The following ZNF831 variants were observed in gnomAD, a reference collection of about 807,000 sequenced individuals.
ZNF831 encodes chromosome 20 open reading frame 174.
In ZNF831, 59 loss-of-function variants were observed where a neutral mutation model predicts 95.8. That is an observed-to-expected ratio of 0.62 (90% CI 0.50 to 0.77). ZNF831 has a LOEUF of 0.77. Among genes scored for constraint, ZNF831 ranks in the 30% least tolerant of loss-of-function variants. The pLI is 0.00. For synonymous variants in ZNF831, 961 were observed against 925.5 expected, an observed-to-expected ratio of 1.04 and a Z score of -0.70; for missense variants, 2,205 against 2,164.0, an observed-to-expected ratio of 1.02 and a Z score of -0.38.
intron 1 of ZNF831, among the ~76,000 whole-genome samples, chr20:59,186,664 C>T (rs1373403866): frequency 6.6e-6 from 1 of 152,208 alleles, no homozygotes; most frequent in Non-Finnish European, 1.5e-5. Context: ...GTTGCAGCGT[C>T]TTGAGGTAAG....
chr20:59,148,628 C>T lies in ZNF831; in HGVS notation c.-1281+2254C>T, dbSNP rs1363199902. 9.6e-5 allele frequency among the ~76,000 whole-genome samples: 9 copies of T among 93,896 alleles called. 1 individual carries two copies. The highest frequency in any genetic ancestry group is 1.8e-4 in the Non-Finnish European group (9 of 49,000). The allele number at this position is 93,896 out of a possible 152,430, so 61.6% of individuals were successfully genotyped here. A position where few individuals can be genotyped will look rare whatever the true frequency, so the allele number is the denominator to read the frequency against. ...CCGGGAGGTGGAGCTTGCAGTGAGT[C>T]GAGATCGCGCCACTGCACTCCAGCC... On this transcript the variant is annotated intron_variant, in intron 2 of 7. Transcript: ENST00000637017.
chr20:59,246,235 G>C (rs1987602497), intron 4 of ZNF831, among the ~76,000 whole-genome samples: 1 of 152,006 alleles, frequency 6.6e-6, no homozygotes, highest in Non-Finnish European at 1.5e-5. Flanking sequence ...CTCCTTCTCT[G>C]ACAGGACTTC....
At chr20:59,219,664 A>C (rs1985951073) in intron 4 of ZNF831, among the ~76,000 whole-genome samples, 1 of 152,174 alleles carries the variant, frequency 6.6e-6, no homozygotes, top group Admixed American at 6.5e-5. Context: ...GGGAGAACCG[A>C]AGGCCGTCAC....
rs1313746189 is a variant in ZNF831 at position 59,149,108 on chromosome 20, G to A, written c.-1281+2734G>A. Among the ~76,000 whole-genome samples the A allele has an allele frequency of 2.0e-5, 3 of 152,190 alleles. No homozygotes were observed. In the East Asian group the frequency reaches 5.8e-4, roughly 29 times the overall value. ...GATGAATAGGATGGGTGCCCATCTT[G>A]ATGGGTCAGACAAGGTAAGGGCTCT... On this transcript the variant is annotated intron_variant, in intron 2 of 7. Transcript: ENST00000637017.
At chr20:59,245,976 A>C (rs191137728) in intron 4 of ZNF831, among the ~76,000 whole-genome samples, 70 of 152,348 alleles carry the variant, frequency 4.6e-4, no homozygotes, top group Admixed American at 1.0e-3. Context: ...TAAATACTGT[A>C]TGAAGAGGGT....
At chr20:59,155,036 G>A (rs773382012) in intron 2 of ZNF831, among the ~76,000 whole-genome samples, 10 of 152,328 alleles carry the variant, frequency 6.6e-5, no homozygotes, top group East Asian at 1.9e-4. Flanking sequence ...TCTTACAGCC[G>A]TGAATGAAAC....
At chr20:59,194,838 T>C (rs1983969304) in intron 2 of ZNF831, 81 bp downstream of exon 2, 1 of 1,448,370 alleles carries the variant, frequency 6.9e-7, no homozygotes, top group African/African-American at 1.4e-5. Context: ...GGGAAGGAAG[T>C]CTGAAGCCGT....
chr20:59,228,361 G>A (rs1167881051), intron 4 of ZNF831, among the ~76,000 whole-genome samples: 1 of 151,896 alleles, frequency 6.6e-6, no homozygotes, highest in African/African-American at 2.4e-5. Flanking sequence ...GGTCTAGGAT[G>A]GCCTCACTCA....
chr20:59,254,482 T>C lies in ZNF831; in HGVS notation c.4773T>C (p.Pro1591=), dbSNP rs1310276236. 6.2e-7 allele frequency: 1 copy of C among 1,614,178 alleles called. No homozygotes were observed. Among genetic ancestry groups the C allele is most frequent in the Admixed American group, 1.7e-5 (1 of 60,020 alleles). ...HKEGRHKTFF[P]SRGQYGCGEM... is the part of the protein sequence containing the mutation. ...AAGGGAGACACAAGACGTTTTTTCC[T>C]TCCAGAGGCCAGTATGGGTGTGGGG... Residue 1591 remains proline (P), a synonymous_variant, in exon 6 of 6, where the codon CCT becomes CCC. Coordinates refer to ENST00000371030, the MANE Select transcript of ZNF831 (RefSeq NM_178457.3). This position sits in a 1 kb window ranked among gnomAD's most constrained non-coding sequence, Gnocchi z 4.5.
In ZNF831 at chr20:59,185,145, C is replaced by A. The variant is rs964585750; in HGVS notation, c.-36-5839C>A. Among the ~76,000 whole-genome samples the A allele has an allele frequency of 3.3e-5, 5 of 152,124 alleles. No individual in the cohort carries two copies. In the East Asian group the frequency reaches 9.7e-4, roughly 29 times the overall value. ...CCCGGCCCCCAGCTTCCCCATCAGTCCAATGGGGACAATAGGACTTGCCAT... is the reference window on the plus strand; with the variant it reads ...CCCGGCCCCCAGCTTCCCCATCAGTACAATGGGGACAATAGGACTTGCCAT... On this transcript the variant is annotated intron_variant, in intron 1 of 5. Coordinates refer to ENST00000371030, the MANE Select transcript of ZNF831 (RefSeq NM_178457.3).
chr20:59,244,282 AT>A (rs1362675613), intron 4 of ZNF831, among the ~76,000 whole-genome samples: 1 of 152,094 alleles, frequency 6.6e-6, no homozygotes, highest in Non-Finnish European at 1.5e-5. Flanking sequence ...GAAAAAATAT[AT>A]TTTTCTCTTC....
At chr20:59,252,953 T>C in intron 4 of ZNF831, 25 bp from the exon 5 acceptor site, 1 of 1,608,876 alleles carries the variant, frequency 6.2e-7, no homozygotes, top group African/African-American at 1.3e-5. Context: ...TCCAGTCATA[T>C]GTAAATGTGC....
intron 2 of ZNF831, among the ~76,000 whole-genome samples, chr20:59,151,940 G>A (rs997228348): frequency 2.0e-5 from 3 of 152,180 alleles, no homozygotes; most frequent in African/African-American, 2.4e-5. Context: ...TGCTGGTGTG[G>A]GGGCCATATA....
rs530793325 is a variant in ZNF831, at chr20:59,191,884, G to T, written c.865G>T (p.Gly289Trp). 1.9e-6 allele frequency: 3 copies of T among 1,612,958 alleles called. No individual in the cohort carries two copies. The highest frequency in any genetic ancestry group is 2.2e-5 in the East Asian group (1 of 44,848). The change falls in exon 2 of 6, where the codon GGG (glycine) becomes TGG (tryptophan). Residue 289 changes from glycine to tryptophan, a missense_variant. By Grantham distance (184) the Gly-to-Trp change is radical (BLOSUM62 -2). Transcript: ENST00000371030. ...PWDSAPMASPGLPAASTQPWR... is the reference protein window; with the variant it reads ...PWDSAPMASPWLPAASTQPWR... ...GGACTCTGCCCCCATGGCGTCACCT[G>T]GGCTCCCAGCGGCCAGCACACAACC...
chr20:59,239,606 G>C (rs1290238329), intron 4 of ZNF831, among the ~76,000 whole-genome samples: 1 of 141,304 alleles, frequency 7.1e-6, no homozygotes, highest in Non-Finnish European at 1.5e-5. Context: ...CTGGAGTATA[G>C]TGACCTTGGC....
rs1984342734 is a variant in ZNF831 at position 59,199,100 on chromosome 20, TA to T, written c.3875+3096del. Reference sequence around the variant, plus strand: ...CTATCTATCTATCTATCTATCTATCTATCTATCTATCTATCTATCTATCTAT... The same window carrying T: ...CTATCTATCTATCTATCTATCTATCTTCTATCTATCTATCTATCTATCTAT... On this transcript the variant is annotated intron_variant, in intron 3 of 5. Coordinates refer to ENST00000371030, the MANE Select transcript of ZNF831 (RefSeq NM_178457.3). 2.3e-5 allele frequency among the ~76,000 whole-genome samples: 3 copies of T among 132,530 alleles called. 1 individual carries two copies. The highest frequency in any genetic ancestry group is 4.8e-5 in the Non-Finnish European group (3 of 62,228). 86.9% of individuals were successfully genotyped at this position (132,530 alleles called of 152,430 possible).
chr20:59,236,081 G>A (rs1294580259), intron 4 of ZNF831, among the ~76,000 whole-genome samples: 3 of 152,236 alleles, frequency 2.0e-5, no homozygotes, highest in Non-Finnish European at 2.9e-5. Context: ...CTTGCCTTCT[G>A]TTGATGTACT....
rs1032929229 is a variant in ZNF831 at position 59,241,010 on chromosome 20, G to T, written c.4028-11968G>T. 2.2e-4 allele frequency among the ~76,000 whole-genome samples: 34 copies of T among 152,034 alleles called. No homozygotes were observed. In the East Asian group the frequency reaches 6.4e-3, roughly 28 times the overall value. Reference sequence around the variant, plus strand: ...CAGGAAGATAGAGATGCTACTGTGCGTCTAGGAGATAGTTTCTGAGGTAAA... The same window carrying T: ...CAGGAAGATAGAGATGCTACTGTGCTTCTAGGAGATAGTTTCTGAGGTAAA... On this transcript the variant is annotated intron_variant, in intron 4 of 5. Transcript: ENST00000371030.
At chr20:59,174,970 C>T (rs1210022123) in intron 1 of ZNF831, among the ~76,000 whole-genome samples, 2 of 151,976 alleles carry the variant, frequency 1.3e-5, no homozygotes, top group African/African-American at 2.4e-5. Context: ...TCTTGATTTC[C>T]CCTTCATTCC....
Sources: gnomAD v4.1 joint callset for allele counts (sites outside exome capture counted in the v4.1 genomes callset) on GRCh38, gnomAD v4.1.1 for gene constraint, Gnocchi (gnomAD v3.1) non-coding constraint, MANE v1.5 for transcripts, NCBI Gene and HGNC (gene_info 2026-07-23, HGNC 2026-07-21) for gene names.